F8: variants seen among roughly 807,000 people sequenced by gnomAD.
F8 encodes coagulation factor VIII.
F8 carries 12 observed loss-of-function variants against 140.6 expected under a neutral mutation model. The ratio of observed to expected loss-of-function variants is 0.09; its 90% CI spans 0.05 to 0.14. The LOEUF is 0.14. Ranked by LOEUF, F8 falls within the 10% of genes least tolerant of loss-of-function variation. F8 has a pLI of 1.00. For missense variants in F8, 1,354 were observed against 1,720.7 expected, an observed-to-expected ratio of 0.79 and a Z score of 3.77; for synonymous variants, 585 against 614.6, an observed-to-expected ratio of 0.95 and a Z score of 0.71.
chrX:154,969,409 T>C lies in F8; in HGVS notation c.931A>G (p.Thr311Ala), dbSNP rs1557282342. Residue 311 changes from threonine to alanine, a missense_variant, in exon 7 of 26, where the codon ACT (threonine) becomes GCT (alanine). By Grantham distance (58) the Thr-to-Ala change is moderately conservative. Transcript: ENST00000360256. Reference sequence around the variant, plus strand: ...AAGAGTGTTTGAGCAGTAAGGAAAGTTATTGGCGAGATTTCCAAGGACGCC... The same window carrying C: ...AAGAGTGTTTGAGCAGTAAGGAAAGCTATTGGCGAGATTTCCAAGGACGCC... ...RQASLEISPI[T>A]FLTAQTLLMD... The C allele has an allele frequency of 1.7e-6, 2 of 1,209,740 alleles. No homozygotes were observed. Among genetic ancestry groups the C allele is most frequent in the African/African-American group, 1.8e-5 (1 of 57,104 alleles).
At chrX:154,876,632 T>C (rs1475448525) in intron 22 of F8, among the ~76,000 whole-genome samples, 1 of 111,760 alleles carries the variant, frequency 8.9e-6, no homozygotes, top group Non-Finnish European at 1.9e-5. Context: ...GATTTTGTTT[T>C]CTCTGCTGCT....
chrX:154,961,283 G>T, intron 9 of F8, 115 bp from the exon 10 acceptor site: 1 of 493,431 alleles, frequency 2.0e-6, no homozygotes, highest in Non-Finnish European at 3.5e-6. Context: ...ATAGTAATTT[G>T]AGGCTAGATA....
At chrX:154,863,440 T>C (rs1017824326) in intron 22 of F8, among the ~76,000 whole-genome samples, 2 of 111,668 alleles carry the variant, frequency 1.8e-5, no homozygotes, top group Non-Finnish European at 3.8e-5. Flanking sequence ...TTATTAGGTC[T>C]GGGGCAAGTG....
chrX:154,907,861 G>A (rs144949642), intron 14 of F8, among the ~76,000 whole-genome samples: 1,647 of 111,264 alleles, frequency 0.015, 16 homozygotes, highest in South Asian at 0.033. Context: ...TTTCCTTTGT[G>A]TGTCCTTTGT....
intron 6 of F8, among the ~76,000 whole-genome samples, chrX:154,971,460 C>A (rs2073456029): frequency 9.0e-6 from 1 of 111,629 alleles, no homozygotes; most frequent in African/African-American, 3.3e-5. Flanking sequence ...TGTTTCAATA[C>A]ATGTATACAT....
intron 25 of F8, among the ~76,000 whole-genome samples, chrX:154,854,099 T>C (rs369031806): frequency 1.8e-5 from 2 of 112,099 alleles, no homozygotes; most frequent in African/African-American, 3.2e-5. Context: ...TCCAAGACCC[T>C]GGTAACCTCT....
At chrX:154,859,550 C>G (rs1389804241) in intron 25 of F8, among the ~76,000 whole-genome samples, 1 of 111,154 alleles carries the variant, frequency 9.0e-6, no homozygotes, top group Non-Finnish European at 1.9e-5. Context: ...GATCTGCCTG[C>G]CTCAGCCTCC....
intron 25 of F8, among the ~76,000 whole-genome samples, chrX:154,844,595 C>G (rs1198646264): frequency 9.1e-6 from 1 of 110,487 alleles, no homozygotes; most frequent in African/African-American, 3.3e-5. Context: ...CTCTGTTTGT[C>G]TGTTGTTGGT....
At chrX:155,012,245 A>G (rs1474362371) in intron 1 of F8, among the ~76,000 whole-genome samples, 1 of 112,406 alleles carries the variant, frequency 8.9e-6, no homozygotes, top group Non-Finnish European at 1.9e-5. Flanking sequence ...CATACCTCCA[A>G]GGAGTGAAAA....
At chrX:154,910,608 C>T (rs1027051234) in intron 14 of F8, among the ~76,000 whole-genome samples, 7 of 111,986 alleles carry the variant, frequency 6.3e-5, no homozygotes, top group Admixed American at 1.9e-4. Context: ...TCTCAAGTAC[C>T]CAGGGACACA....
chrX:154,979,581 G>A (rs2073506267), intron 6 of F8, among the ~76,000 whole-genome samples: 3 of 111,984 alleles, frequency 2.7e-5, no homozygotes, highest in Non-Finnish European at 5.6e-5. Flanking sequence ...CTTTCTCAGG[G>A]AGTAGCTGTA....
intron 4 of F8, among the ~76,000 whole-genome samples, chrX:154,990,231 T>G (rs781882908): frequency 8.9e-6 from 1 of 112,233 alleles, no homozygotes; most frequent in Admixed American, 9.4e-5. Flanking sequence ...ATGATTTTAC[T>G]GCTTCTTCTC....
intron 24 of F8, among the ~76,000 whole-genome samples, chrX:154,861,144 C>G (rs1348567247): frequency 9.0e-6 from 1 of 111,083 alleles, no homozygotes; most frequent in African/African-American, 3.3e-5. Flanking sequence ...GCAACCTCCG[C>G]CTCCCAGGTT....
chrX:154,896,310 G>T, intron 21 of F8, 78 bp from the exon 22 acceptor site: 1 of 1,041,422 alleles, frequency 9.6e-7, no homozygotes, highest in Non-Finnish European at 1.3e-6. Context: ...TATTAGCTTA[G>T]GAAGAATCTA....
rs782602333 is a variant in F8, at chrX:154,900,378, C to T, written c.6188-427G>A. On this transcript the variant is annotated intron_variant, in intron 20 of 25. Coordinates refer to ENST00000360256, the MANE Select transcript of F8 (RefSeq NM_000132.4). Reference sequence around the variant, plus strand: ...TCTCCTAGGTAGCTGGGACTACAATCGCGTACCACCATGCCCGACTAATTT... The same window carrying T: ...TCTCCTAGGTAGCTGGGACTACAATTGCGTACCACCATGCCCGACTAATTT... Among the ~76,000 whole-genome samples, 346 of 110,351 alleles carry T rather than the reference C, an allele frequency of 3.1e-3. 1 individual carries two copies. The highest frequency in any genetic ancestry group is 5.7e-3 in the Non-Finnish European group (299 of 52,793).
intron 1 of F8, among the ~76,000 whole-genome samples, chrX:155,016,929 C>G (rs1028141676): frequency 1.8e-5 from 2 of 112,313 alleles, no homozygotes; most frequent in South Asian, 7.3e-4. Context: ...CACCTTTGCT[C>G]CTTGGTGTCA....
rs374134211 is a variant in F8, at chrX:154,929,238, G to A, written c.4552C>T (p.His1518Tyr). 6.6e-6 allele frequency: 8 copies of A among 1,209,967 alleles called. No homozygotes were observed. The African/African-American group carries it at 1.4e-4, about 21-fold the overall frequency. ...SGKVELLPKV[H>Y]IYQKDLFPTE... ...GGGAATAGGTCCTTCTGATAAATGT[G>A]AACTTTTGGAAGCAATTCAACTTTG... The change falls in exon 14 of 26, where the codon CAC becomes TAC. Residue 1518 changes from histidine (H) to tyrosine (Y), a missense_variant. By Grantham distance (83) the His-to-Tyr change is moderately conservative (BLOSUM62 2). Coordinates refer to ENST00000360256, the MANE Select transcript of F8 (RefSeq NM_000132.4).
chrX:154,860,722 C>A, intron 24 of F8, 114 bp from the exon 25 acceptor site: 1 of 717,356 alleles, frequency 1.4e-6, no homozygotes, highest in South Asian at 2.2e-5. Flanking sequence ...TTTTTTGAGA[C>A]GGAGTCTTGC....
intron 22 of F8, among the ~76,000 whole-genome samples, chrX:154,876,643 C>T (rs1190436747): frequency 9.0e-6 from 1 of 111,580 alleles, no homozygotes; most frequent in Admixed American, 9.5e-5. Context: ...CTCTGCTGCT[C>T]TCCTTTCTAT....
Sources: allele counts gnomAD v4.1 joint callset (sites outside exome capture counted in the v4.1 genomes callset), GRCh38; gene constraint gnomAD v4.1.1; transcripts MANE v1.5; gene names NCBI Gene and HGNC (gene_info 2026-07-23, HGNC 2026-07-21).